Variants in BRINP1 observed in about 807,000 individuals in gnomAD.
BRINP1 encodes the protein BMP/retinoic acid-inducible neural-specific protein 1.
BRINP1 carries 17 observed loss-of-function variants against 72.9 expected under a neutral mutation model. The ratio of observed to expected loss-of-function variants is 0.23; its 90% CI spans 0.16 to 0.35. BRINP1 has a LOEUF of 0.35. BRINP1 is among the 10% of genes least tolerant of loss of function. BRINP1 has a pLI of 1.00. For missense variants in BRINP1, 850 were observed against 1,001.6 expected, an observed-to-expected ratio of 0.85 and a Z score of 2.04; for synonymous variants, 418 against 378.5, an observed-to-expected ratio of 1.10 and a Z score of -1.21.
rs1261173006 is a variant in BRINP1 at position 119,167,930 on chromosome 9, G to A, written c.1440C>T (p.Asp480=). The A allele has an allele frequency of 6.2e-7, 1 of 1,614,228 alleles. No homozygotes were observed. Among genetic ancestry groups the A allele is most frequent in the Admixed American group, 1.7e-5 (1 of 60,032 alleles). The change falls in exon 8 of 8, where the codon GAC becomes GAT. Residue 480 remains aspartate (D), a synonymous_variant. Transcript: ENST00000265922. The surrounding 1 kb of genome is among the most constrained non-coding windows in gnomAD (Gnocchi z 4.3). ...TCAGCTCCAGGTCCTGGAAGTCCAG[G>A]TCAGTCTCAAAGCTGATGAACTGCT... is the stretch of plus-strand genomic sequence containing the variant. ...RSEQFISFET[D]LDFQDLELKY...
chr9:119,310,329 T>C (rs1831048236), intron 2 of BRINP1, among the ~76,000 whole-genome samples: 1 of 152,150 alleles, frequency 6.6e-6, no homozygotes, highest in Non-Finnish European at 1.5e-5. Flanking sequence ...GCAACTCAAG[T>C]TTGTGAGTGA....
At chr9:119,264,855 T>C (rs965917121) in intron 2 of BRINP1, among the ~76,000 whole-genome samples, 1 of 152,178 alleles carries the variant, frequency 6.6e-6, no homozygotes, top group Non-Finnish European at 1.5e-5. Context: ...GTATTTTTAG[T>C]AGAGACGGGA....
chr9:119,313,235 G>C lies in BRINP1; in HGVS notation c.121C>G (p.Leu41Val). ...TGGAAAGGCCCCCTGTCTGAAATGAGCCAATCAAATTCCTTGGAGACATGT... is the reference window on the plus strand; with the variant it reads ...TGGAAAGGCCCCCTGTCTGAAATGACCCAATCAAATTCCTTGGAGACATGT... ...DQHVSKEFDW[L>V]ISDRGPFHHS... The change falls in exon 2 of 8, where the codon CTC (leucine) becomes GTC (valine). Residue 41 changes from leucine to valine, a missense_variant. By Grantham distance (32) the Leu-to-Val change is conservative (BLOSUM62 1). Coordinates refer to ENST00000265922, the MANE Select transcript of BRINP1 (RefSeq NM_014618.3). The C allele has an allele frequency of 2.5e-6, 4 of 1,614,168 alleles. No individual in the cohort carries two copies. Among genetic ancestry groups the C allele is most frequent in the Non-Finnish European group, 3.4e-6 (4 of 1,180,036 alleles).
intron 1 of BRINP1, among the ~76,000 whole-genome samples, chr9:119,361,739 G>T (rs1831633535): frequency 6.7e-6 from 1 of 149,212 alleles, no homozygotes; most frequent in Non-Finnish European, 1.5e-5. Flanking sequence ...TCCTACCTCA[G>T]CCTCCCAGGT....
At chr9:119,230,379 C>T (rs184223978) in intron 5 of BRINP1, among the ~76,000 whole-genome samples, 2 of 152,122 alleles carry the variant, frequency 1.3e-5, no homozygotes, top group Admixed American at 1.3e-4. Flanking sequence ...GAAGATCACG[C>T]TGGCTGCTGT....
At chr9:119,168,702 A>T (rs1829353123) in intron 7 of BRINP1, among the ~76,000 whole-genome samples, 2 of 118,920 alleles carry the variant, frequency 1.7e-5, no homozygotes, top group African/African-American at 2.6e-5. Flanking sequence ...GGTGTATAAC[A>T]TCTACCAACT....
chr9:119,172,315 C>A (rs1829423524), intron 7 of BRINP1, among the ~76,000 whole-genome samples: 1 of 152,032 alleles, frequency 6.6e-6, no homozygotes, highest in Non-Finnish European at 1.5e-5. Flanking sequence ...ACCAATCCCA[C>A]AGAAATACAA....
At chr9:119,181,831 C>T (rs771139990) in intron 7 of BRINP1, among the ~76,000 whole-genome samples, 22 of 152,300 alleles carry the variant, frequency 1.4e-4, no homozygotes, top group Non-Finnish European at 2.5e-4. Context: ...CTCTGCTACT[C>T]ATTATTTAAC....
chr9:119,242,865 A>G (rs1830269774), intron 3 of BRINP1, among the ~76,000 whole-genome samples: 1 of 152,192 alleles, frequency 6.6e-6, no homozygotes, highest in Non-Finnish European at 1.5e-5. Context: ...ACTGCTAACT[A>G]TGATGACTTT....
intron 7 of BRINP1, among the ~76,000 whole-genome samples, chr9:119,206,646 T>G (rs1829858450): frequency 6.6e-6 from 1 of 152,126 alleles, no homozygotes; most frequent in African/African-American, 2.4e-5. Flanking sequence ...TCCATGGTAC[T>G]TAGTTATGGC....
intron 2 of BRINP1, among the ~76,000 whole-genome samples, chr9:119,294,475 G>A (rs1485021149): frequency 6.6e-6 from 1 of 152,036 alleles, no homozygotes; most frequent in Non-Finnish European, 1.5e-5. Flanking sequence ...GCAGTGAGCC[G>A]AGATCATACC....
intron 3 of BRINP1, among the ~76,000 whole-genome samples, chr9:119,246,534 T>C (rs1407484488): frequency 1.3e-5 from 2 of 152,198 alleles, no homozygotes; most frequent in African/African-American, 2.4e-5. Context: ...CTTGTGATCG[T>C]GTGAGTCAAT....
chr9:119,263,876 G>A (rs576114931), intron 2 of BRINP1, among the ~76,000 whole-genome samples: 5 of 152,208 alleles, frequency 3.3e-5, no homozygotes, highest in African/African-American at 9.6e-5. Flanking sequence ...CCAAAGTGCT[G>A]GGATTACAGG....
chr9:119,268,800 T>G (rs1018126719), intron 2 of BRINP1, among the ~76,000 whole-genome samples: 1 of 152,154 alleles, frequency 6.6e-6, no homozygotes, highest in African/African-American at 2.4e-5. Flanking sequence ...ACTTAGTAGG[T>G]GCTCAATAAA....
At chr9:119,262,000 CG>C (rs1830501676) in intron 2 of BRINP1, among the ~76,000 whole-genome samples, 1 of 151,894 alleles carries the variant, frequency 6.6e-6, no homozygotes, top group Non-Finnish European at 1.5e-5. Flanking sequence ...TTTGATTTTC[CG>C]GGTACATATG....
intron 2 of BRINP1, chr9:119,282,804 T>A: frequency 1.0e-6 from 1 of 985,284 alleles, no homozygotes; most frequent in Non-Finnish European, 1.2e-6. Context: ...TCATGTTGAG[T>A]GAAACCAAGG....
chr9:119,354,825 T>C (rs1831543085), intron 1 of BRINP1, among the ~76,000 whole-genome samples: 1 of 152,172 alleles, frequency 6.6e-6, no homozygotes, highest in South Asian at 2.1e-4. Context: ...ACTATGATCA[T>C]ATCACTGCAC....
chr9:119,287,932 C>A (rs550470812), intron 2 of BRINP1, among the ~76,000 whole-genome samples: 3 of 152,158 alleles, frequency 2.0e-5, no homozygotes, highest in African/African-American at 7.2e-5. Context: ...ATACAACAAA[C>A]CCCCATGTAA....
intron 2 of BRINP1, among the ~76,000 whole-genome samples, chr9:119,308,973 G>GAA (rs34551014): frequency 0.075 from 11,044 of 146,464 alleles, 1,407 homozygotes; most frequent in African/African-American, 0.26. Flanking sequence ...TCACAGTTAG[G>GAA]AAAAAAAAAA....
Sources: gnomAD v4.1 joint callset for allele counts (sites outside exome capture counted in the v4.1 genomes callset) on GRCh38, gnomAD v4.1.1 for gene constraint, Gnocchi (gnomAD v3.1) non-coding constraint, MANE v1.5 for transcripts, NCBI Gene and HGNC (gene_info 2026-07-23, HGNC 2026-07-21) for gene names.